The following TMEM74 variants were observed in gnomAD, a reference collection of about 807,000 sequenced individuals.
TMEM74 encodes transmembrane protein 74.
Under a neutral mutation model 18.1 loss-of-function variants are expected in TMEM74, and 13 were observed. The ratio of observed to expected loss-of-function variants is 0.72; its 90% CI spans 0.47 to 1.14. TMEM74 has a LOEUF of 1.14. Ranked by LOEUF, TMEM74 falls within the 50% of genes most tolerant of loss-of-function variation. The probability of loss-of-function intolerance (pLI) is 0.00; values close to 1 mark genes in which losing one functional copy is unlikely to be tolerated. For missense variants in TMEM74, 372 were observed against 375.9 expected, an observed-to-expected ratio of 0.99 and a Z score of 0.09; for synonymous variants, 159 against 146.6, an observed-to-expected ratio of 1.08 and a Z score of -0.61.
chr8:108,684,503 T>C (rs532893377), intron 1 of TMEM74, among the ~76,000 whole-genome samples: 35 of 151,962 alleles, frequency 2.3e-4, no homozygotes, highest in Non-Finnish European at 4.1e-4. Context: ...GTCAGATAAG[T>C]AGTTTACTCC....
intron 2 of TMEM74, among the ~76,000 whole-genome samples, chr8:108,612,497 T>C (rs1008860120): frequency 1.3e-5 from 2 of 152,200 alleles, no homozygotes; most frequent in South Asian, 2.1e-4. Flanking sequence ...CAATGTCAGA[T>C]CTGGGTCAAA....
intron 1 of TMEM74, among the ~76,000 whole-genome samples, chr8:108,721,179 T>A (rs920467535): frequency 6.6e-6 from 1 of 152,156 alleles, no homozygotes; most frequent in Non-Finnish European, 1.5e-5. Context: ...CAGTGGTGAA[T>A]CAAACATTGT....
rs940925291 is a variant in TMEM74 at position 108,782,474 on chromosome 8, C to G, written c.*1707G>C. On this transcript the variant is annotated 3_prime_UTR_variant, in exon 2 of 2. Transcript: ENST00000297459. ...TTCATATGCCCATCCTCTCTTTTTA[C>G]TATCTTCTGAGCCTCCCTTTTTGTA... Among the ~76,000 whole-genome samples, 1 of 152,208 alleles carries G rather than the reference C, an allele frequency of 6.6e-6. No individual in the cohort carries two copies. Among genetic ancestry groups the G allele is most frequent in the Admixed American group, 6.5e-5 (1 of 15,282 alleles).
In TMEM74 at chr8:108,787,581, C is replaced by G. The variant is rs546545887; in HGVS notation, c.-145G>C. On this transcript the variant is annotated 5_prime_UTR_variant, in exon 1 of 2. Coordinates refer to ENST00000297459, the MANE Select transcript of TMEM74 (RefSeq NM_153015.3). ...AGCTACGGCACTTGTAGCCTCTGCA[C>G]GCCGCTCGGCTCCGCCGGGTGGGCA... The G allele has an allele frequency of 6.6e-6, 1 of 152,272 alleles. No individual in the cohort carries two copies. The highest frequency in any genetic ancestry group is 2.1e-4 in the South Asian group (1 of 4,828). The allele number at this position is 152,272 out of a possible 1,614,324, so 9.4% of individuals were successfully genotyped here.
rs150895181 is a variant in TMEM74, at chr8:108,677,396, A to G, written n.120-21959T>C. ...TTATTTTCAAATGAGGAACATTAAC[A>G]TATAAAATGTATTATACGTATCAGT... On this transcript the variant is annotated intron_variant and non_coding_transcript_variant, in intron 1 of 3. Transcript: ENST00000518838. Among the ~76,000 whole-genome samples, 3 of 152,346 alleles carry G rather than the reference A, an allele frequency of 2.0e-5. No homozygotes were observed. The East Asian group carries it at 5.8e-4, about 29-fold the overall frequency.
chr8:108,613,114 T>A (rs1326870205), intron 2 of TMEM74, among the ~76,000 whole-genome samples: 1 of 152,232 alleles, frequency 6.6e-6, no homozygotes, highest in Non-Finnish European at 1.5e-5. Flanking sequence ...TTTGTACAAT[T>A]TCCCTTACTT....
At position 108,760,304 on chromosome 8, in the gene TMEM74, T is replaced by G. The variant is rs191763702; in HGVS notation, n.119+27172A>C. Among the ~76,000 whole-genome samples, 276 of 151,884 alleles carry G rather than the reference T, an allele frequency of 1.8e-3. 1 individual carries two copies. Among genetic ancestry groups the G allele is most frequent in the Non-Finnish European group, 2.0e-3 (136 of 67,920 alleles). ...CAAGTGGAACTTCCAGCAGCTTAGG[T>G]GAAGCAGAACAAGGGTCAGCCAGTC... On this transcript the variant is annotated intron_variant and non_coding_transcript_variant, in intron 1 of 3. Coordinates refer to the TMEM74 transcript ENST00000518838.
intron 2 of TMEM74, among the ~76,000 whole-genome samples, chr8:108,615,927 C>T (rs1032755545): frequency 6.8e-6 from 1 of 146,798 alleles, no homozygotes; most frequent in African/African-American, 2.5e-5. Context: ...GCTGGGACTA[C>T]AGGCACGTGC....
At chr8:108,772,864 A>G (rs1458683599) in intron 1 of TMEM74, among the ~76,000 whole-genome samples, 1 of 152,154 alleles carries the variant, frequency 6.6e-6, no homozygotes, top group Non-Finnish European at 1.5e-5. Context: ...CATGTATAAC[A>G]TAAGGATAAT....
chr8:108,763,420 A>G (rs1054405812), intron 1 of TMEM74, among the ~76,000 whole-genome samples: 1 of 152,196 alleles, frequency 6.6e-6, no homozygotes. Flanking sequence ...AATAGTTTGC[A>G]TAGTACTCGT....
rs1372479891 is a variant in TMEM74, at chr8:108,781,216, T to C, written c.*2965A>G. On this transcript the variant is annotated 3_prime_UTR_variant, in exon 2 of 2. Coordinates refer to ENST00000297459, the MANE Select transcript of TMEM74 (RefSeq NM_153015.3). Reference sequence around the variant, plus strand: ...CTTCTCTAGGACTAGCAATAAAAACTTTCACAGGTAACAACCAGCACCATA... The same window carrying C: ...CTTCTCTAGGACTAGCAATAAAAACCTTCACAGGTAACAACCAGCACCATA... Among the ~76,000 whole-genome samples the C allele has an allele frequency of 6.6e-6, 1 of 152,106 alleles. No individual in the cohort carries two copies. The highest frequency in any genetic ancestry group is 1.5e-5 in the Non-Finnish European group (1 of 68,010).
At chr8:108,645,194 C>T (rs898171370) in intron 2 of TMEM74, among the ~76,000 whole-genome samples, 1 of 152,066 alleles carries the variant, frequency 6.6e-6, no homozygotes, top group South Asian at 2.1e-4. Flanking sequence ...AAATCATGAC[C>T]TTTGCAGCAA....
At chr8:108,633,590 C>T (rs1812576728) in intron 2 of TMEM74, among the ~76,000 whole-genome samples, 1 of 152,144 alleles carries the variant, frequency 6.6e-6, no homozygotes, top group African/African-American at 2.4e-5. Context: ...GTTCTCAACA[C>T]CATATAAGCA....
At chr8:108,705,138 G>T (rs971416203) in intron 1 of TMEM74, among the ~76,000 whole-genome samples, 31 of 152,142 alleles carry the variant, frequency 2.0e-4, no homozygotes, top group Admixed American at 1.9e-3. Flanking sequence ...TAGTCCCACG[G>T]TTTGTAAAAC....
intron 2 of TMEM74, among the ~76,000 whole-genome samples, chr8:108,621,760 A>G (rs1247736420): frequency 6.6e-6 from 1 of 152,114 alleles, no homozygotes; most frequent in Non-Finnish European, 1.5e-5. Context: ...AACTTGGTTG[A>G]GTTATTTAAT....
At chr8:108,633,791 T>C (rs1400271457) in intron 2 of TMEM74, among the ~76,000 whole-genome samples, 3 of 152,034 alleles carry the variant, frequency 2.0e-5, no homozygotes, top group African/African-American at 4.8e-5. Context: ...TTGCCTTGTT[T>C]CAGTGGTGAC....
At chr8:108,664,923 T>C (rs1432935767) in intron 1 of TMEM74, among the ~76,000 whole-genome samples, 2 of 152,104 alleles carry the variant, frequency 1.3e-5, no homozygotes, top group African/African-American at 4.8e-5. Context: ...AGGATATAGA[T>C]ACCTGACCAA....
Position 108,772,530 on chromosome 8 carries a change from T to C in TMEM74, n.119+14946A>G, listed in dbSNP as rs1005776351. Among the ~76,000 whole-genome samples, 5 of 152,280 alleles carry C rather than the reference T, an allele frequency of 3.3e-5. No homozygotes were observed. The South Asian group carries it at 1.0e-3, about 32-fold the overall frequency. The stretch of plus-strand genomic sequence containing the variant: ...AAGGCAGCCTATACTGAGCAACTTG[T>C]GGAATACATACAAAGTGCTACAGCC... On this transcript the variant is annotated intron_variant and non_coding_transcript_variant, in intron 1 of 3. Coordinates refer to the TMEM74 transcript ENST00000518838.
At chr8:108,708,619 T>A (rs1813441763) in intron 1 of TMEM74, among the ~76,000 whole-genome samples, 2 of 152,152 alleles carry the variant, frequency 1.3e-5, no homozygotes, top group South Asian at 4.1e-4. Context: ...TAATGGTTAA[T>A]GTTTAGCATT....
Sources: gnomAD v4.1 joint callset for allele counts (sites outside exome capture counted in the v4.1 genomes callset) on GRCh38, gnomAD v4.1.1 for gene constraint, MANE v1.5 for transcripts, NCBI Gene and HGNC (gene_info 2026-07-23, HGNC 2026-07-21) for gene names.